The following PDE1A variants were observed in gnomAD, a reference collection of about 807,000 sequenced individuals.
The protein encoded by PDE1A is dual specificity calcium/calmodulin-dependent 3',5'-cyclic nucleotide phosphodiesterase 1A.
In PDE1A, 35 loss-of-function variants were observed where a neutral mutation model predicts 61.7. That is an observed-to-expected ratio of 0.57 (90% CI 0.43 to 0.75). The LOEUF is 0.75. Ranked by LOEUF, PDE1A falls within the 30% of genes least tolerant of loss-of-function variation. The probability of loss-of-function intolerance (pLI) is 0.00; values close to 1 mark genes in which losing one functional copy is unlikely to be tolerated. For synonymous variants in PDE1A, 232 were observed against 213.2 expected, an observed-to-expected ratio of 1.09 and a Z score of -0.77; for missense variants, 597 against 630.6, an observed-to-expected ratio of 0.95 and a Z score of 0.57.
chr2:182,580,202 T>C, the PDE1A span, among the ~76,000 whole-genome samples: 2 of 152,152 alleles, frequency 1.3e-5, no homozygotes, highest in African/African-American at 2.4e-5. Context: ...CCTCAGTACC[T>C]CAGAATGTGA....
At chr2:182,710,112 G>C in the PDE1A span, among the ~76,000 whole-genome samples, 1 of 152,150 alleles carries the variant, frequency 6.6e-6, no homozygotes, top group African/African-American at 2.4e-5. Context: ...GGCCAGGATG[G>C]TCTCGATCTC....
chr2:182,337,927 C>T (rs1697944174), intron 1 of PDE1A, among the ~76,000 whole-genome samples: 1 of 152,170 alleles, frequency 6.6e-6, no homozygotes, highest in Non-Finnish European at 1.5e-5. Flanking sequence ...TCCTCAATGA[C>T]CTACCTGTCA....
intron 6 of PDE1A, among the ~76,000 whole-genome samples, chr2:182,225,398 T>A (rs1305909196): frequency 6.6e-6 from 1 of 151,950 alleles, no homozygotes; most frequent in Admixed American, 6.6e-5. Flanking sequence ...GCAGTGACAA[T>A]TGTTGAATCT....
intron 2 of PDE1A, among the ~76,000 whole-genome samples, chr2:182,515,675 T>G (rs993596947): frequency 6.6e-6 from 1 of 152,212 alleles, no homozygotes; most frequent in Non-Finnish European, 1.5e-5. Flanking sequence ...TAATAACTGA[T>G]TTGCCTGATT....
chr2:182,488,321 C>G (rs1329458916), intron 2 of PDE1A, among the ~76,000 whole-genome samples: 1 of 152,018 alleles, frequency 6.6e-6, no homozygotes. Context: ...ATTTAATTTA[C>G]CAAGGGCTAC....
At chr2:182,477,474 T>G (rs1687439211) in intron 2 of PDE1A, among the ~76,000 whole-genome samples, 1 of 151,874 alleles carries the variant, frequency 6.6e-6, no homozygotes, top group Non-Finnish European at 1.5e-5. Flanking sequence ...GAAAGTTCCT[T>G]GAGTCACGTA....
At chr2:182,489,037 A>G (rs1346648747) in intron 2 of PDE1A, among the ~76,000 whole-genome samples, 2 of 152,240 alleles carry the variant, frequency 1.3e-5, no homozygotes, top group African/African-American at 2.4e-5. Context: ...AGATAGAATA[A>G]AAATGTACAG....
At chr2:182,350,556 C>A (rs1698813985) in intron 1 of PDE1A, among the ~76,000 whole-genome samples, 1 of 152,136 alleles carries the variant, frequency 6.6e-6, no homozygotes, top group East Asian at 1.9e-4. Flanking sequence ...GAAAAAAGTG[C>A]AGTTCAAGGT....
At chr2:182,446,828 T>C (rs559810400) in intron 2 of PDE1A, among the ~76,000 whole-genome samples, 2 of 151,996 alleles carry the variant, frequency 1.3e-5, no homozygotes, top group South Asian at 2.1e-4. Flanking sequence ...TAACAAGGTA[T>C]GTGATCCCCA....
intron 2 of PDE1A, among the ~76,000 whole-genome samples, chr2:182,502,801 A>G (rs1186513482): frequency 6.6e-6 from 1 of 151,888 alleles, no homozygotes; most frequent in East Asian, 1.9e-4. Flanking sequence ...CTGAGAGGAG[A>G]GCATGTATTA....
At chr2:182,317,264 T>G (rs573721598) in intron 1 of PDE1A, among the ~76,000 whole-genome samples, 2 of 151,918 alleles carry the variant, frequency 1.3e-5, no homozygotes, top group Non-Finnish European at 2.9e-5. Flanking sequence ...TTTTTTTTTT[T>G]TTTGAGGATA....
chr2:182,394,385 A>C (rs1486933800), intron 1 of PDE1A, among the ~76,000 whole-genome samples: 1 of 152,162 alleles, frequency 6.6e-6, no homozygotes, highest in Non-Finnish European at 1.5e-5. Flanking sequence ...CCAAAACAGC[A>C]TGGGAAATTC....
chr2:182,389,863 C>G (rs1197675972), intron 1 of PDE1A, among the ~76,000 whole-genome samples: 1 of 152,148 alleles, frequency 6.6e-6, no homozygotes, highest in Non-Finnish European at 1.5e-5. Context: ...GTTTTCCAGC[C>G]TTTATCTTTC....
chr2:182,461,867 C>T (rs1296056674), intron 2 of PDE1A, among the ~76,000 whole-genome samples: 1 of 152,050 alleles, frequency 6.6e-6, no homozygotes, highest in East Asian at 1.9e-4. Flanking sequence ...TTATTCTCAC[C>T]TCTTCACACT....
intron 8 of PDE1A, 97 bp downstream of exon 8, chr2:182,205,843 G>A: frequency 1.2e-5 from 12 of 1,029,236 alleles, no homozygotes; most frequent in Non-Finnish European, 1.7e-5. Context: ...TGTAATTTGG[G>A]GAATGCATCG....
At chr2:182,474,976 G>C (rs531504745) in intron 2 of PDE1A, among the ~76,000 whole-genome samples, 1 of 152,088 alleles carries the variant, frequency 6.6e-6, no homozygotes, top group South Asian at 2.1e-4. Context: ...ATGTCTGAGA[G>C]AAAAGAGTCA....
chr2:182,161,239 A>G (rs1469333165), intron 13 of PDE1A, among the ~76,000 whole-genome samples: 1 of 152,174 alleles, frequency 6.6e-6, no homozygotes, highest in Non-Finnish European at 1.5e-5. Flanking sequence ...CATGGGACTT[A>G]AACTGCTGAA....
chr2:182,386,493 C>T (rs1052512242), intron 1 of PDE1A, among the ~76,000 whole-genome samples: 3 of 150,926 alleles, frequency 2.0e-5, no homozygotes, highest in Non-Finnish European at 3.0e-5. Context: ...TCTGCCCGGC[C>T]GCGACCCCAT....
At chr2:182,563,256 C>A in the PDE1A span, among the ~76,000 whole-genome samples, 1 of 151,750 alleles carries the variant, frequency 6.6e-6, no homozygotes, top group African/African-American at 2.4e-5. Context: ...GTATGTTGTA[C>A]CTTTGTTCTC....
Sources: allele counts gnomAD v4.1 joint callset (sites outside exome capture counted in the v4.1 genomes callset), GRCh38; gene constraint gnomAD v4.1.1; transcripts MANE v1.5; gene names NCBI Gene and HGNC (gene_info 2026-07-23, HGNC 2026-07-21).